Variants in SORBS2 observed in about 807,000 individuals in gnomAD.
SORBS2 encodes sorbin and SH3 domain containing 2, also known as sorbin and SH3 domain-containing protein 2.
In SORBS2, 46 loss-of-function variants were observed where a neutral mutation model predicts 97.7. That is an observed-to-expected ratio of 0.47 (90% confidence interval 0.37 to 0.60). The LOEUF (loss-of-function observed/expected upper bound fraction) is 0.60, where lower values mean the gene tolerates loss of function less well. SORBS2 is among the 20% of genes least tolerant of loss of function. The pLI, the probability that SORBS2 is intolerant of heterozygous loss-of-function variation, is 0.00. For synonymous variants in SORBS2, 476 were observed against 473.4 expected (o/e 1.01, Z -0.07); for missense variants, 1,316 against 1,282.3 (o/e 1.03, Z -0.40).
chr4:185,780,295 G>A (rs897466332), intron 1 of SORBS2, among the ~76,000 whole-genome samples: 15 of 152,078 alleles, frequency 9.9e-5, no homozygotes, highest in African/African-American at 3.6e-4. Context: ...GATTACAGGC[G>A]TGAGCCACTG....
At chr4:185,866,873 T>C (rs1467145675) in intron 1 of SORBS2, among the ~76,000 whole-genome samples, 4 of 152,140 alleles carry the variant, frequency 2.6e-5, no homozygotes, top group African/African-American at 7.2e-5. Context: ...TGCCCAAGCA[T>C]TGGCATTACA....
rs551084233 is a variant in SORBS2, at chr4:185,768,705, A to C, written c.-198+6522T>G. Among the ~76,000 whole-genome samples, 146 of 102,802 alleles carry C rather than the reference A, an allele frequency of 1.4e-3. 2 individuals carry two copies. Among genetic ancestry groups the C allele is most frequent in the Middle Eastern group, 0.01 (2 of 200 alleles). The allele number at this position is 102,802 out of a possible 152,430, so 67.4% of individuals were successfully genotyped here. A position where few individuals can be genotyped will look rare whatever the true frequency, so the allele number is the denominator to read the frequency against. ...CAGAGTGAGACTCTGTCTCAAAAAA[A>C]AAAAAACAAAAAAACAAAAAAAAAT... On this transcript the variant is annotated intron_variant, in intron 2 of 20. Coordinates refer to the SORBS2 transcript ENST00000284776.
chr4:185,630,981 T>C (rs966886690), intron 4 of SORBS2, among the ~76,000 whole-genome samples: 1 of 152,190 alleles, frequency 6.6e-6, no homozygotes, highest in Non-Finnish European at 1.5e-5. Context: ...AAAGGAATGG[T>C]TTGATGTTTT....
At position 185,684,689 on chromosome 4, in the gene SORBS2, C is replaced by T. The variant is rs1299852434; in HGVS notation, c.-197-5867G>A. 4 of 1,164,770 alleles carry T rather than the reference C, an allele frequency of 3.4e-6. No homozygotes were observed. The highest frequency in any genetic ancestry group is 4.9e-6 in the Non-Finnish European group (4 of 808,578). 72.2% of individuals were successfully genotyped at this position (1,164,770 alleles called of 1,614,324 possible). ...TTTCCTTTGCTTTTTACGTTTAGAA[C>T]AAAAACAGTCAGAAGAGCTAGAAGC... On this transcript the variant is annotated intron_variant, in intron 2 of 20. Coordinates refer to the SORBS2 transcript ENST00000284776. The surrounding 1 kb of genome is among the most constrained non-coding windows in gnomAD (Gnocchi z 4.2).
Position 185,626,815 on chromosome 4 carries a change from T to G in SORBS2, c.634+17A>C. 1 of 1,612,340 alleles carries G rather than the reference T, an allele frequency of 6.2e-7. No individual in the cohort carries two copies. Among genetic ancestry groups the G allele is most frequent in the Non-Finnish European group, 8.5e-7 (1 of 1,178,322 alleles). On this transcript the variant is annotated intron_variant, in intron 6 of 14. Coordinates refer to ENST00000418609, the Ensembl canonical transcript of SORBS2. ...CGTAAACTAGTAAATTGTTGTGTTTTCATTTACTATGCTCACCTTTTGCTC... is the reference window on the plus strand; with the variant it reads ...CGTAAACTAGTAAATTGTTGTGTTTGCATTTACTATGCTCACCTTTTGCTC...
At chr4:185,703,973 C>A (rs74795301) in intron 2 of SORBS2, among the ~76,000 whole-genome samples, 54,828 of 152,038 alleles carry the variant, frequency 0.36, 11,494 homozygotes, top group South Asian at 0.5. Context: ...AATAAATCCT[C>A]CAGGGTCCTA....
intron 2 of SORBS2, among the ~76,000 whole-genome samples, chr4:185,703,445 C>T (rs532818316): frequency 6.6e-6 from 1 of 152,144 alleles, no homozygotes; most frequent in East Asian, 1.9e-4. Flanking sequence ...TTTTGCATAG[C>T]TCCTATTTTA....
At chr4:185,680,130 A>C (rs2097849311) in intron 2 of SORBS2, among the ~76,000 whole-genome samples, 1 of 152,218 alleles carries the variant, frequency 6.6e-6, no homozygotes, top group African/African-American at 2.4e-5. Flanking sequence ...ATTATGCATG[A>C]AATGTTTATT....
intron 1 of SORBS2, among the ~76,000 whole-genome samples, chr4:185,791,286 T>C (rs2099078865): frequency 6.6e-6 from 1 of 152,188 alleles, no homozygotes; most frequent in Non-Finnish European, 1.5e-5. Context: ...AGAAAAAGCT[T>C]TTCTGCACTT....
At chr4:185,767,383 C>A (rs2098941110) in intron 2 of SORBS2, among the ~76,000 whole-genome samples, 1 of 139,420 alleles carries the variant, frequency 7.2e-6, no homozygotes, top group African/African-American at 2.6e-5. Flanking sequence ...GCCTGTAGTT[C>A]CAGTTACTCG....
chr4:185,806,624 A>AC (rs767106778), intron 1 of SORBS2, among the ~76,000 whole-genome samples: 1 of 150,874 alleles, frequency 6.6e-6, no homozygotes, highest in Non-Finnish European at 1.5e-5. Flanking sequence ...CGCCCGGCTA[A>AC]TTTTTTGTAT....
At chr4:185,797,126 C>A (rs576173875) in intron 1 of SORBS2, among the ~76,000 whole-genome samples, 1 of 152,226 alleles carries the variant, frequency 6.6e-6, no homozygotes. Context: ...GCATCCCATG[C>A]GCCTCTAGCA....
At position 185,678,194 on chromosome 4, in the gene SORBS2, C is replaced by T. The variant is rs568080391; in HGVS notation, c.-46+229G>A. On this transcript the variant is annotated intron_variant, in intron 4 of 20. Coordinates refer to the SORBS2 transcript ENST00000284776. ...ATATCCTAGAGATTATGTTAAAAAC[C>T]GACATACTTTGATAAGCTTAATCAG... is the stretch of plus-strand genomic sequence containing the variant. 5.3e-5 allele frequency among the ~76,000 whole-genome samples: 8 copies of T among 152,198 alleles called. No homozygotes were observed. In the East Asian group the frequency reaches 5.8e-4, roughly 11 times the overall value.
chr4:185,676,896 AC>A, intron 4 of SORBS2: 1 of 918,702 alleles, frequency 1.1e-6, no homozygotes, highest in Non-Finnish European at 1.6e-6. Flanking sequence ...CTGCTTGGAA[AC>A]TAAGAAAGCA....
chr4:185,887,547 C>T (rs537132287), intron 1 of SORBS2, among the ~76,000 whole-genome samples: 1 of 152,120 alleles, frequency 6.6e-6, no homozygotes, highest in Admixed American at 6.5e-5. Flanking sequence ...TTATAGACTG[C>T]AGATTTTGTG....
intron 1 of SORBS2, among the ~76,000 whole-genome samples, chr4:185,909,920 G>A (rs1241122721): frequency 6.6e-6 from 1 of 150,544 alleles, no homozygotes; most frequent in African/African-American, 2.4e-5. Context: ...GGAGGCGGAG[G>A]TTGAAGTGAG....
intron 7 of SORBS2, among the ~76,000 whole-genome samples, chr4:185,620,376 G>T (rs1467669611): frequency 1.3e-5 from 2 of 152,170 alleles, no homozygotes; most frequent in Admixed American, 6.5e-5. Context: ...AATTATAATT[G>T]TCTATATAAA....
intron 2 of SORBS2, among the ~76,000 whole-genome samples, chr4:185,697,321 A>G (rs1561974825): frequency 1.3e-5 from 2 of 152,172 alleles, no homozygotes; most frequent in East Asian, 3.8e-4. Context: ...AGCAAGCCAT[A>G]TGGTTTATTA....
rs553873730 is a variant in SORBS2 at position 185,610,750 on chromosome 4, A to G, written c.2796+1030T>C. 2.6e-4 allele frequency among the ~76,000 whole-genome samples: 39 copies of G among 152,206 alleles called. No homozygotes were observed. In the East Asian group the frequency reaches 3.7e-3, roughly 14 times the overall value. On this transcript the variant is annotated intron_variant, in intron 12 of 14. Coordinates refer to ENST00000418609, the Ensembl canonical transcript of SORBS2. Reference sequence around the variant, plus strand: ...TAGTAACATCTGATATGTTGATTTTATTTTACCAGCTCTCGATGGTTTAGC... The same window carrying G: ...TAGTAACATCTGATATGTTGATTTTGTTTTACCAGCTCTCGATGGTTTAGC...
Sources: gnomAD v4.1 joint callset for allele counts (sites outside exome capture counted in the v4.1 genomes callset) on GRCh38, gnomAD v4.1.1 for gene constraint, Gnocchi (gnomAD v3.1) non-coding constraint, MANE v1.5 for transcripts, NCBI Gene and HGNC (gene_info 2026-07-23, HGNC 2026-07-21) for gene names.